RBM43: variants seen among roughly 807,000 people sequenced by gnomAD.
RBM43 encodes RNA binding motif protein 43, also known as RNA-binding protein 43.
Under a neutral mutation model 12.4 loss-of-function variants are expected in RBM43, and 12 were observed. The ratio of observed to expected loss-of-function variants is 0.97; its 90% CI spans 0.62 to 1.57. The LOEUF (loss-of-function observed/expected upper bound fraction) is 1.57. RBM43 is among the 40% of genes most tolerant of loss of function. The probability of loss-of-function intolerance (pLI) is 0.00; values close to 1 mark genes in which losing one functional copy is unlikely to be tolerated. For synonymous variants in RBM43, 138 were observed against 145.7 expected, an observed-to-expected ratio of 0.95 and a Z score of 0.38; for missense variants, 348 against 400.1, an observed-to-expected ratio of 0.87 and a Z score of 1.11.
intron 1 of RBM43, 172 bp downstream of exon 1, chr2:151,261,553 G>T (rs1217010988): frequency 6.5e-7 from 1 of 1,544,132 alleles, no homozygotes; most frequent in South Asian, 1.2e-5. Context: ...GCCCGCCGGG[G>T]TGGACGGCTC....
chr2:151,255,290 C>T (rs990042614), intron 2 of RBM43, among the ~76,000 whole-genome samples: 1 of 151,884 alleles, frequency 6.6e-6, no homozygotes, highest in Non-Finnish European at 1.5e-5. Flanking sequence ...TGGCAGGCGC[C>T]TCCTGTAATC....
chr2:151,255,463 A>T, intron 2 of RBM43, 70 bp downstream of exon 2: 1 of 1,069,604 alleles, frequency 9.3e-7, no homozygotes. Context: ...GGATCATTTT[A>T]ATAAAATGTA....
intron 3 of RBM43, among the ~76,000 whole-genome samples, chr2:151,252,144 T>C (rs574201756): frequency 1.3e-5 from 2 of 152,310 alleles, no homozygotes; most frequent in African/African-American, 2.4e-5. Context: ...TTAATGTTCA[T>C]TCTAATTGTT....
intron 2 of RBM43, among the ~76,000 whole-genome samples, chr2:151,253,863 TC>T (rs1272099283): frequency 6.6e-6 from 1 of 151,978 alleles, no homozygotes; most frequent in East Asian, 1.9e-4. Flanking sequence ...CCCAGCATGC[TC>T]CCCACTCACA....
rs1682906184 is a variant in RBM43, at chr2:151,251,665, C to A, written c.316-1G>T. On this transcript the variant is annotated splice_acceptor_variant, in intron 3 of 3. Coordinates refer to ENST00000331426, the MANE Select transcript of RBM43 (RefSeq NM_198557.3). LOFTEE classifies it high-confidence loss of function. Reference sequence around the variant, plus strand: ...GGATGGCATTTACAGAGCTGAAGATCTGAAATTAAAAAGAGAGAAATGAAA... The same window carrying A: ...GGATGGCATTTACAGAGCTGAAGATATGAAATTAAAAAGAGAGAAATGAAA... 6.2e-7 allele frequency: 1 copy of A among 1,600,040 alleles called. No homozygotes were observed. The highest frequency in any genetic ancestry group is 1.1e-5 in the South Asian group (1 of 88,094).
intron 1 of RBM43, chr2:151,261,499 A>G (rs990853295): frequency 2.6e-5 from 40 of 1,550,030 alleles, no homozygotes; most frequent in Non-Finnish European, 3.4e-5. Context: ...AGGAGCGCGC[A>G]ATGCCGCCAC....
chr2:151,252,727 T>C (rs747780128), intron 3 of RBM43, 28 bp downstream of exon 3: 1 of 1,216,082 alleles, frequency 8.2e-7, no homozygotes, highest in South Asian at 1.2e-5. Context: ...TACAGGACTA[T>C]CAGTACACCT....
chr2:151,255,790 A>G (rs1156550658), intron 1 of RBM43, 47 bp from the exon 2 acceptor site: 2 of 1,299,838 alleles, frequency 1.5e-6, no homozygotes, highest in African/African-American at 2.9e-5. Context: ...AAGACTCTAT[A>G]TAATAAAGAT....
intron 1 of RBM43, among the ~76,000 whole-genome samples, chr2:151,259,078 G>C (rs1315268068): frequency 6.6e-6 from 1 of 151,774 alleles, no homozygotes; most frequent in African/African-American, 2.4e-5. Flanking sequence ...GGGAGGTAGA[G>C]GTTATAGTGA....
At chr2:151,258,470 C>G (rs544026742) in intron 1 of RBM43, among the ~76,000 whole-genome samples, 1 of 151,438 alleles carries the variant, frequency 6.6e-6, no homozygotes, top group Non-Finnish European at 1.5e-5. Context: ...TCAAGGTGGG[C>G]GGATCACTTG....
At chr2:151,255,986 GA>G (rs1682967489) in intron 1 of RBM43, among the ~76,000 whole-genome samples, 1 of 151,852 alleles carries the variant, frequency 6.6e-6, no homozygotes, top group Non-Finnish European at 1.5e-5. Flanking sequence ...TTTTGAGATG[GA>G]GTCTCACTCT....
rs1375268415 is a variant in RBM43, at chr2:151,249,434, G to A, written c.*1472C>T. 1 of 143,668 alleles carries A rather than the reference G, an allele frequency of 7.0e-6. No homozygotes were observed. The highest frequency in any genetic ancestry group is 2.6e-5 in the African/African-American group (1 of 38,230). 8.9% of individuals were successfully genotyped at this position (143,668 alleles called of 1,614,324 possible). ...GCTCTGTCACCCAGGCTGGAGTGCA[G>A]TAGTGCAGTCTTGGCTCACTGCAAG... On this transcript the variant is annotated 3_prime_UTR_variant, in exon 4 of 4. Coordinates refer to ENST00000331426, the MANE Select transcript of RBM43 (RefSeq NM_198557.3).
intron 3 of RBM43, among the ~76,000 whole-genome samples, chr2:151,251,936 T>G (rs1387758987): frequency 3.3e-5 from 5 of 152,214 alleles, no homozygotes; most frequent in Non-Finnish European, 7.3e-5. Context: ...GAAACAGTTT[T>G]ATGCAGAACC....
rs1465019723 is a variant in RBM43 at position 151,261,581 on chromosome 2, C to T, written c.3+144G>A. 8 of 1,536,766 alleles carry T rather than the reference C, an allele frequency of 5.2e-6. No individual in the cohort carries two copies. In the South Asian group the frequency reaches 7.2e-5, roughly 14 times the overall value. ...GACGGCTCTCCGGGGCCCCCGGGGT[C>T]CCTGGGGCCCCTCCGTGCGCCGCCC... is the stretch of plus-strand genomic sequence containing the variant. On this transcript the variant is annotated intron_variant, in intron 1 of 3. Transcript: ENST00000331426.
chr2:151,260,795 A>G (rs1233194161), intron 1 of RBM43, among the ~76,000 whole-genome samples: 1 of 152,250 alleles, frequency 6.6e-6, no homozygotes, highest in East Asian at 1.9e-4. Flanking sequence ...GCCTAGAGAA[A>G]GACAGTCCTT....
chr2:151,253,721 G>C (rs1402811883), intron 2 of RBM43, among the ~76,000 whole-genome samples: 3 of 152,100 alleles, frequency 2.0e-5, no homozygotes, highest in East Asian at 1.9e-4. Context: ...TAAAATCCCA[G>C]ACACCTTTCC....
chr2:151,254,176 G>GA (rs1025503493), intron 2 of RBM43, among the ~76,000 whole-genome samples: 3 of 151,254 alleles, frequency 2.0e-5, no homozygotes, highest in Non-Finnish European at 2.9e-5. Context: ...TACATCTCAA[G>GA]AAAAAAAAGG....
rs553068170 is a variant in RBM43 at position 151,252,768 on chromosome 2, TGA to T, written c.300_301del (p.His101PhefsTer3). The T allele has an allele frequency of 3.2e-3, 5,054 of 1,587,174 alleles. 12 individuals are homozygous for T. The highest frequency in any genetic ancestry group is 3.7e-3 in the Non-Finnish European group (4,260 of 1,155,750). On this transcript the variant is annotated frameshift_variant, in exon 3 of 4. Coordinates refer to ENST00000331426, the MANE Select transcript of RBM43 (RefSeq NM_198557.3). LOFTEE classifies it low-confidence loss of function (END_TRUNC). ...ATCACACCTTACCTTGTCACCAAAA[TGA>T]GAGACTCTGAGAGAGACTGTGAGTT...
At chr2:151,256,901 G>A (rs183612369) in intron 1 of RBM43, among the ~76,000 whole-genome samples, 1 of 152,210 alleles carries the variant, frequency 6.6e-6, no homozygotes, top group East Asian at 1.9e-4. Context: ...AGCACATATC[G>A]GACATGAAAG....
Sources: gnomAD v4.1 joint callset for allele counts (sites outside exome capture counted in the v4.1 genomes callset) on GRCh38, gnomAD v4.1.1 for gene constraint, MANE v1.5 for transcripts, NCBI Gene and HGNC (gene_info 2026-07-23, HGNC 2026-07-21) for gene names.